Variants in VWA5B2 observed in about 807,000 individuals in gnomAD.
VWA5B2 encodes the protein von Willebrand factor A domain-containing protein 5B2.
Under a neutral mutation model 118.5 loss-of-function variants are expected in VWA5B2, and 93 were observed. That is an observed-to-expected ratio of 0.79 (90% CI 0.66 to 0.93). VWA5B2 has a LOEUF of 0.93. Among genes scored for constraint, VWA5B2 ranks in the 40% least tolerant of loss-of-function variants. VWA5B2 has a pLI of 0.00. For missense variants in VWA5B2, 1,546 were observed against 1,672.8 expected (o/e 0.92, Z 1.32); for synonymous variants, 708 against 716.3 (o/e 0.99, Z 0.19).
Position 184,238,127 on chromosome 3 carries a change from C to T in VWA5B2, c.1720-176C>T, listed in dbSNP as rs56285060. Among the ~76,000 whole-genome samples, 773 of 152,070 alleles carry T rather than the reference C, an allele frequency of 5.1e-3. 7 individuals are homozygous for T. Among genetic ancestry groups the T allele is most frequent in the Non-Finnish European group, 6.7e-3 (458 of 67,978 alleles). On this transcript the variant is annotated intron_variant, in intron 12 of 19. Transcript: ENST00000691901. This position sits in a 1 kb window ranked among gnomAD's most constrained non-coding sequence, Gnocchi z 5.0. ...CAGGGCCAAACTTAAAGCTCAGCTT[C>T]CCAGCAGCTCTATTAACCCTTACAG... is the stretch of plus-strand genomic sequence containing the variant.
rs1175100941 is a variant in VWA5B2 at position 184,241,612 on chromosome 3, C to T, written c.3303C>T (p.Ser1101=). Residue 1101 remains serine (S), a synonymous_variant, in exon 20 of 20, where the codon AGC becomes AGT. Transcript: ENST00000691901. The surrounding 1 kb of genome is among the most constrained non-coding windows in gnomAD (Gnocchi z 5.1). The stretch of plus-strand genomic sequence containing the variant: ...TTGCCGTGCACCGCGCCAGCCTCAG[C>T]CCCACCTCGGCCTCATTGCCCTGGG... ...SPFAVHRASL[S]PTSASLPWAL... 6 of 1,543,096 alleles carry T rather than the reference C, an allele frequency of 3.9e-6. No homozygotes were observed. The Admixed American group carries it at 5.9e-5, about 15-fold the overall frequency.
rs1372401670 is a variant in VWA5B2, at chr3:184,238,561, A to C, written c.1892-2A>C. ...AGGGCCCATTCTACTGCCTCCCAGC[A>C]GGTACTGATGCTCTGACAGACCCAG... On this transcript the variant is annotated splice_acceptor_variant, in intron 13 of 19. Transcript: ENST00000691901. LOFTEE classifies it high-confidence loss of function. This position sits in a 1 kb window ranked among gnomAD's most constrained non-coding sequence, Gnocchi z 5.0. The C allele has an allele frequency of 7.8e-6, 12 of 1,545,374 alleles. No homozygotes were observed. The highest frequency in any genetic ancestry group is 9.6e-6 in the Non-Finnish European group (11 of 1,141,920).
At chr3:184,240,475 A>T (rs1718464409) in intron 16 of VWA5B2, 4 of 441,048 alleles carry the variant, frequency 9.1e-6, no homozygotes, top group Non-Finnish European at 1.6e-5. Context: ...TCATGAAGAG[A>T]GAGAACATTT....
Position 184,239,367 on chromosome 3 carries a change from C to G in VWA5B2, c.2203-27C>G. 6.6e-7 allele frequency: 1 copy of G among 1,508,896 alleles called. No homozygotes were observed. Among genetic ancestry groups the G allele is most frequent in the Non-Finnish European group, 8.9e-7 (1 of 1,121,342 alleles). The allele number at this position is 1,508,896 out of a possible 1,614,324, so 93.5% of individuals were successfully genotyped here. On this transcript the variant is annotated intron_variant, in intron 14 of 19. Transcript: ENST00000691901. This position sits in a 1 kb window ranked among gnomAD's most constrained non-coding sequence, Gnocchi z 5.1. Reference sequence around the variant, plus strand: ...TGGTCAAGGGTTCTGCATTCCTTGACCAGTGGCCCCCATATCTCACATGCA... The same window carrying G: ...TGGTCAAGGGTTCTGCATTCCTTGAGCAGTGGCCCCCATATCTCACATGCA...
Position 184,241,057 on chromosome 3 carries a change from C to T in VWA5B2, c.2912C>T (p.Ser971Phe). 1.3e-6 allele frequency: 2 copies of T among 1,551,772 alleles called. No individual in the cohort carries two copies. The highest frequency in any genetic ancestry group is 1.7e-6 in the Non-Finnish European group (2 of 1,147,006). Reference protein sequence around the residue: ...PAEPPGTPPASHSHLDAAPLP... With the variant: ...PAEPPGTPPAFHSHLDAAPLP... Reference sequence around the variant, plus strand: ...GAGCCCCCAGGAACCCCTCCTGCCTCTCACAGCCATCTAGATGCAGCTCCT... The same window carrying T: ...GAGCCCCCAGGAACCCCTCCTGCCTTTCACAGCCATCTAGATGCAGCTCCT... The change falls in exon 18 of 20, where the codon TCT (serine) becomes TTT (phenylalanine). Residue 971 changes from serine to phenylalanine, a missense_variant. Physicochemically the swap from Ser to Phe is radical, Grantham distance 155. Coordinates refer to ENST00000691901, the MANE Select transcript of VWA5B2 (RefSeq NM_001390846.1). The surrounding 1 kb of genome is among the most constrained non-coding windows in gnomAD (Gnocchi z 5.1).
chr3:184,240,690 C>T, intron 16 of VWA5B2, 101 bp from the exon 17 acceptor site: 1 of 1,456,188 alleles, frequency 6.9e-7, no homozygotes. Flanking sequence ...CTGTTAAAGT[C>T]GATAGAGGGA....
Position 184,236,491 on chromosome 3 carries a change from C to G in VWA5B2, c.1361C>G (p.Pro454Arg). Residue 454 changes from proline (P) to arginine (R), a missense_variant, in exon 10 of 20, where the codon CCC becomes CGC. Coordinates refer to ENST00000691901, the MANE Select transcript of VWA5B2 (RefSeq NM_001390846.1). Reference sequence around the variant, plus strand: ...CTGTTCCTGCTCACTGCTGCCTCACCCATGGCCGCCACTACCCACCGAACC... The same window carrying G: ...CTGTTCCTGCTCACTGCTGCCTCACGCATGGCCGCCACTACCCACCGAACC... ...RQLFLLTAAS[P>R]MAATTHRTLE... 1.3e-6 allele frequency: 2 copies of G among 1,547,594 alleles called. No homozygotes were observed. The highest frequency in any genetic ancestry group is 1.7e-6 in the Non-Finnish European group (2 of 1,146,962).
chr3:184,234,817 G>A, intron 7 of VWA5B2, 62 bp downstream of exon 7: 1 of 1,546,858 alleles, frequency 6.5e-7, no homozygotes, highest in Non-Finnish European at 8.7e-7. Flanking sequence ...CAAGGAGCAG[G>A]CAAGCAGGCT....
At position 184,241,464 on chromosome 3, in the gene VWA5B2, T is replaced by C; in HGVS notation, c.3181-26T>C. 6.4e-7 allele frequency: 1 copy of C among 1,553,594 alleles called. No homozygotes were observed. The highest frequency in any genetic ancestry group is 1.7e-4 in the Middle Eastern group (1 of 5,944). ...GGGCCGGGCGCTGTTTCAGCTCGCT[T>C]CTCCCCCCACCTCCTCTCTCCTCAG... On this transcript the variant is annotated intron_variant, in intron 19 of 19. Coordinates refer to ENST00000691901, the MANE Select transcript of VWA5B2 (RefSeq NM_001390846.1). This position sits in a 1 kb window ranked among gnomAD's most constrained non-coding sequence, Gnocchi z 5.1.
Position 184,235,169 on chromosome 3 carries a change from G to A in VWA5B2, c.962G>A (p.Arg321Gln), listed in dbSNP as rs1413896268. 9 of 1,551,442 alleles carry A rather than the reference G, an allele frequency of 5.8e-6. No homozygotes were observed. The highest frequency in any genetic ancestry group is 1.2e-5 in the South Asian group (1 of 84,064). Residue 321 changes from arginine (R) to glutamine (Q), a missense_variant, in exon 8 of 20, where the codon CGA becomes CAA. This residue lies in a region of VWA5B2 where 775 missense variants were observed against 882.3 expected (regional missense o/e 0.88). Coordinates refer to ENST00000691901, the MANE Select transcript of VWA5B2 (RefSeq NM_001390846.1). ...DGDRQVWFLQ[R>Q]RFHKDILLNP... ...CCCGCTCAGGTGTGGTTCCTGCAGCGACGCTTCCACAAGGACATCCTGCTG... is the reference window on the plus strand; with the variant it reads ...CCCGCTCAGGTGTGGTTCCTGCAGCAACGCTTCCACAAGGACATCCTGCTG...
Position 184,241,958 on chromosome 3 carries a change from C to G in VWA5B2, c.3649C>G (p.Arg1217Gly). 1 of 1,549,910 alleles carries G rather than the reference C, an allele frequency of 6.5e-7. No homozygotes were observed. Among genetic ancestry groups the G allele is most frequent in the Non-Finnish European group, 8.7e-7 (1 of 1,146,884 alleles). The part of the protein sequence containing the change: ...LDLAALKAAA[R>G]GLFLLLRHWD... ...CCTGGCCGCCCTCAAGGCCGCAGCC[C>G]GAGGGCTCTTCCTGCTACTGCGCCA... Residue 1217 changes from arginine to glycine, a missense_variant, in exon 20 of 20, where the codon CGA becomes GGA. By Grantham distance (125) the Arg-to-Gly change is moderately radical (BLOSUM62 -2). Transcript: ENST00000691901. The surrounding 1 kb of genome is among the most constrained non-coding windows in gnomAD (Gnocchi z 5.1).
rs1718035269 is a variant in VWA5B2, at chr3:184,236,656, G to A, written c.1440G>A (p.Leu480=). ...TCATCAGATGCTTCTCCTTTGGGCT[G>A]GGGCCCACCTGCCACCAGCTGCTCC... ...RGTARCFSFG[L]GPTCHQLLQG... The change falls in exon 11 of 20, where the codon CTG becomes CTA. Residue 480 remains leucine (L), a synonymous_variant. Coordinates refer to ENST00000691901, the MANE Select transcript of VWA5B2 (RefSeq NM_001390846.1). The A allele has an allele frequency of 1.3e-6, 2 of 1,551,120 alleles. No individual in the cohort carries two copies. Among genetic ancestry groups the A allele is most frequent in the African/African-American group, 1.4e-5 (1 of 73,046 alleles).
rs1352765214 is a variant in VWA5B2 at position 184,240,658 on chromosome 3, G to A, written c.2741-133G>A. The A allele has an allele frequency of 3.2e-6, 4 of 1,269,348 alleles. No individual in the cohort carries two copies. The African/African-American group carries it at 6.0e-5, about 19-fold the overall frequency. The allele number at this position is 1,269,348 out of a possible 1,614,324, so 78.6% of individuals were successfully genotyped here. A position where few individuals can be genotyped will look rare whatever the true frequency, so the allele number is the denominator to read the frequency against. On this transcript the variant is annotated intron_variant, in intron 16 of 19. Transcript: ENST00000691901. Reference sequence around the variant, plus strand: ...AAGTTGGGGAGTCTGAGCTGGTTCTGGGCCTAGCAAGGCAATCTACTCTGT... The same window carrying A: ...AAGTTGGGGAGTCTGAGCTGGTTCTAGGCCTAGCAAGGCAATCTACTCTGT...
At position 184,234,280 on chromosome 3, in the gene VWA5B2, T is replaced by A. The variant is rs1329717394; in HGVS notation, c.703T>A (p.Ser235Thr). Residue 235 changes from serine (S) to threonine (T), a missense_variant, in exon 6 of 20, where the codon TCT becomes ACT. By Grantham distance (58) the Ser-to-Thr change is moderately conservative. Coordinates refer to ENST00000691901, the MANE Select transcript of VWA5B2 (RefSeq NM_001390846.1). ...PCLLAGLESP[S>T]HALRADAPPH... Reference sequence around the variant, plus strand: ...ATGTCCCTCAGGCCTGGAGAGCCCCTCTCATGCTCTGCGGGCAGATGCCCC... The same window carrying A: ...ATGTCCCTCAGGCCTGGAGAGCCCCACTCATGCTCTGCGGGCAGATGCCCC... The A allele has an allele frequency of 3.2e-6, 5 of 1,551,592 alleles. No individual in the cohort carries two copies. The highest frequency in any genetic ancestry group is 4.4e-6 in the Non-Finnish European group (5 of 1,146,976).
intron 8 of VWA5B2, among the ~76,000 whole-genome samples, 161 bp downstream of exon 8, chr3:184,235,469 C>T (rs1170150357): frequency 6.6e-6 from 1 of 152,182 alleles, no homozygotes; most frequent in African/African-American, 2.4e-5. Flanking sequence ...TTCCCTTAGA[C>T]AGCAGCCCTG....
At chr3:184,236,879 C>T (rs2108427400) in intron 11 of VWA5B2, 130 bp downstream of exon 11, 1 of 788,272 alleles carries the variant, frequency 1.3e-6, no homozygotes, top group East Asian at 2.7e-5. Flanking sequence ...CTCCCCACTC[C>T]AATCAGGGGA....
chr3:184,233,272 C>G lies in VWA5B2; in HGVS notation c.405C>G (p.His135Gln). The G allele has an allele frequency of 7.8e-6, 12 of 1,546,464 alleles. No individual in the cohort carries two copies. The highest frequency in any genetic ancestry group is 1.0e-5 in the Non-Finnish European group (12 of 1,144,754). The change falls in exon 4 of 20, where the codon CAC becomes CAG. Residue 135 changes from histidine to glutamine, a missense_variant. His to Gln is a conservative substitution (Grantham distance 24). Coordinates refer to ENST00000691901, the MANE Select transcript of VWA5B2 (RefSeq NM_001390846.1). The surrounding 1 kb of genome is among the most constrained non-coding windows in gnomAD (Gnocchi z 5.2). ...AAAGTMTVTL[H>Q]SSRELPSRPD... ...CTGGCACCATGACGGTGACCCTGCACAGCAGCCGGGAGCTGCCCTCAAGGC... is the reference window on the plus strand; with the variant it reads ...CTGGCACCATGACGGTGACCCTGCAGAGCAGCCGGGAGCTGCCCTCAAGGC...
At position 184,234,273 on chromosome 3, in the gene VWA5B2, G is replaced by A; in HGVS notation, c.696G>A (p.Glu232=). 6.4e-7 allele frequency: 1 copy of A among 1,551,640 alleles called. No individual in the cohort carries two copies. The highest frequency in any genetic ancestry group is 8.7e-7 in the Non-Finnish European group (1 of 1,146,986). ...VTGPCLLAGL[E]SPSHALRADA... is the part of the protein sequence containing the mutation. Reference sequence around the variant, plus strand: ...TGCCTCTATGTCCCTCAGGCCTGGAGAGCCCCTCTCATGCTCTGCGGGCAG... The same window carrying A: ...TGCCTCTATGTCCCTCAGGCCTGGAAAGCCCCTCTCATGCTCTGCGGGCAG... The change falls in exon 6 of 20, where the codon GAG becomes GAA. Residue 232 remains glutamate, a synonymous_variant. Transcript: ENST00000691901.
chr3:184,239,766 A>C lies in VWA5B2; in HGVS notation c.2470A>C (p.Ser824Arg). ...CTTCTTATTCACGGCTGTGCCTCCTAGTGGGGAGTTGGCCCCTCCAGCAGT... is the reference window on the plus strand; with the variant it reads ...CTTCTTATTCACGGCTGTGCCTCCTCGTGGGGAGTTGGCCCCTCCAGCAGT... ...PPFLFTAVPP[S>R]GELAPPAVPP... The change falls in exon 16 of 20, where the codon AGT (serine) becomes CGT (arginine). Residue 824 changes from serine (S) to arginine (R), a missense_variant. By Grantham distance (110) the Ser-to-Arg change is moderately radical. Coordinates refer to ENST00000691901, the MANE Select transcript of VWA5B2 (RefSeq NM_001390846.1). The surrounding 1 kb of genome is among the most constrained non-coding windows in gnomAD (Gnocchi z 5.1). 2 of 1,531,316 alleles carry C rather than the reference A, an allele frequency of 1.3e-6. No homozygotes were observed. Among genetic ancestry groups the C allele is most frequent in the Non-Finnish European group, 1.8e-6 (2 of 1,134,008 alleles). The allele number at this position is 1,531,316 out of a possible 1,614,324, so 94.9% of individuals were successfully genotyped here.
Sources: allele counts gnomAD v4.1 joint callset (sites outside exome capture counted in the v4.1 genomes callset), GRCh38; gene constraint gnomAD v4.1.1; regional missense constraint gnomAD v4.1.1; non-coding constraint Gnocchi (gnomAD v3.1); transcripts MANE v1.5; gene names NCBI Gene and HGNC (gene_info 2026-07-23, HGNC 2026-07-21).